The following PBRM1 variants were observed in gnomAD, a reference collection of about 807,000 sequenced individuals.
The protein encoded by PBRM1 is polybromo 1, also known as protein polybromo-1.
A neutral mutation model predicts 194.5 loss-of-function variants in PBRM1; 27 were observed. That is an observed-to-expected ratio of 0.14 (90% CI 0.10 to 0.19). PBRM1 has a LOEUF of 0.19. Ranked by LOEUF, PBRM1 falls within the 10% of genes least tolerant of loss-of-function variation. The pLI is 1.00. For missense variants in PBRM1, 1,466 were observed against 2,077.2 expected (o/e 0.71, Z 5.72); for synonymous variants, 655 against 693.2 (o/e 0.94, Z 0.87).
intron 21 of PBRM1, among the ~76,000 whole-genome samples, chr3:52,577,069 G>C (rs962127789): frequency 6.6e-6 from 1 of 152,104 alleles, no homozygotes; most frequent in African/African-American, 2.4e-5. Context: ...TCAATATTTG[G>C]GGTCAGATCA....
intron 7 of PBRM1, among the ~76,000 whole-genome samples, chr3:52,645,439 A>G (rs1259764349): frequency 6.6e-6 from 1 of 151,614 alleles, no homozygotes; most frequent in Non-Finnish European, 1.5e-5. Context: ...CTGGGATTAC[A>G]GGCCTAAACC....
At chr3:52,607,610 G>A (rs1163416104) in intron 16 of PBRM1, among the ~76,000 whole-genome samples, 1 of 152,220 alleles carries the variant, frequency 6.6e-6, no homozygotes, top group Non-Finnish European at 1.5e-5. Flanking sequence ...AGGAGAGGAA[G>A]GGAGGGGTAT....
intron 4 of PBRM1, among the ~76,000 whole-genome samples, chr3:52,661,181 T>C (rs2096717222): frequency 6.6e-6 from 1 of 152,122 alleles, no homozygotes; most frequent in Non-Finnish European, 1.5e-5. Context: ...ATGTGCCACC[T>C]GCCTAGCTAA....
chr3:52,666,326 T>C (rs1159097276), intron 3 of PBRM1, among the ~76,000 whole-genome samples: 1 of 152,072 alleles, frequency 6.6e-6, no homozygotes, highest in Admixed American at 6.5e-5. Context: ...GCAGATCACC[T>C]GAGGTCAGGA....
intron 23 of PBRM1, 125 bp downstream of exon 25, chr3:52,563,925 T>C (rs1232884628): frequency 1.6e-6 from 1 of 636,226 alleles, no homozygotes; most frequent in East Asian, 2.8e-5. Context: ...TGAATAAATA[T>C]TTTCTATTTG....
intron 5 of PBRM1, among the ~76,000 whole-genome samples, chr3:52,653,764 G>A (rs1001728949): frequency 6.6e-6 from 1 of 151,568 alleles, no homozygotes; most frequent in Non-Finnish European, 1.5e-5. Context: ...ACAAAAATTA[G>A]CTGGGTGTGG....
At chr3:52,617,778 T>G (rs2095041218) in intron 13 of PBRM1, among the ~76,000 whole-genome samples, 1 of 152,132 alleles carries the variant, frequency 6.6e-6, no homozygotes, top group Non-Finnish European at 1.5e-5. Context: ...CCAAAAAAAC[T>G]TTTTAGATAT....
At chr3:52,578,112 T>C (rs576909681) in intron 21 of PBRM1, among the ~76,000 whole-genome samples, 16 of 152,286 alleles carry the variant, frequency 1.1e-4, no homozygotes, top group Non-Finnish European at 1.8e-4. Context: ...TTATTCACTT[T>C]CTCAGTTTCT....
chr3:52,639,078 G>A (rs1023752221), intron 10 of PBRM1, among the ~76,000 whole-genome samples: 14 of 150,668 alleles, frequency 9.3e-5, no homozygotes, highest in African/African-American at 2.2e-4. Flanking sequence ...TCCGCCTCCC[G>A]GGTTCAAGCA....
chr3:52,675,863 CCCAGCA>C (rs1466996373), intron 2 of PBRM1, among the ~76,000 whole-genome samples: 4 of 45,820 alleles, frequency 8.7e-5, no homozygotes, highest in South Asian at 3.8e-4. Context: ...CGCCTGTAAT[CCCAGCA>C]CTTTGGGAGG....
intron 12 of PBRM1, among the ~76,000 whole-genome samples, chr3:52,627,780 C>T (rs2095491539): frequency 2.0e-5 from 3 of 152,314 alleles, no homozygotes; most frequent in South Asian, 2.1e-4. Context: ...AGTGAAAGAT[C>T]TACTTTTCAA....
intron 20 of PBRM1, 97 bp downstream of exon 22, chr3:52,586,328 T>C (rs1439691942): frequency 2.9e-6 from 3 of 1,030,142 alleles, no homozygotes; most frequent in East Asian, 2.4e-5. Flanking sequence ...TTTTGTGTTG[T>C]TGCTCTTTTT....
chr3:52,628,237 C>T (rs1420217779), intron 12 of PBRM1, among the ~76,000 whole-genome samples: 1 of 151,604 alleles, frequency 6.6e-6, no homozygotes, highest in African/African-American at 2.4e-5. Context: ...GGAATATCAT[C>T]GGTGATTGCA....
At chr3:52,589,036 C>G in intron 18 of PBRM1, 34 bp downstream of exon 20, 2 of 1,509,360 alleles carry the variant, frequency 1.3e-6, no homozygotes, top group Non-Finnish European at 9.2e-7. Context: ...AGTCATATCT[C>G]ACTAAACTGT....
chr3:52,612,719 C>T (rs887572619), intron 15 of PBRM1, among the ~76,000 whole-genome samples: 3 of 152,024 alleles, frequency 2.0e-5, no homozygotes, highest in Non-Finnish European at 4.4e-5. Context: ...GTCTGGCCAA[C>T]ATGGTGAAGC....
chr3:52,598,092 A>C (rs1427555120), intron 17 of PBRM1, among the ~76,000 whole-genome samples: 1 of 152,204 alleles, frequency 6.6e-6, no homozygotes, highest in Non-Finnish European at 1.5e-5. Flanking sequence ...CTGAATGGAA[A>C]ACAACTTCAT....
intron 2 of PBRM1, 91 bp from the exon 4 acceptor site, chr3:52,668,736 C>T (rs1237217710): frequency 8.8e-6 from 5 of 565,006 alleles, no homozygotes; most frequent in Non-Finnish European, 1.4e-5. Flanking sequence ...TTCAACATTC[C>T]AAGTGACAGA....
At chr3:52,642,118 A>G (rs1431225544) in intron 9 of PBRM1, 73 bp from the exon 11 acceptor site, 1 of 804,100 alleles carries the variant, frequency 1.2e-6, no homozygotes, top group African/African-American at 1.7e-5. Flanking sequence ...GGGAACAGGA[A>G]CTATTAACAA....
chr3:52,649,907 G>A (rs759909086), intron 6 of PBRM1, among the ~76,000 whole-genome samples: 12 of 152,098 alleles, frequency 7.9e-5, no homozygotes, highest in East Asian at 3.9e-4. Context: ...AAAATAAGGC[G>A]AGAAGTCAAA....
Sources: allele counts gnomAD v4.1 joint callset (sites outside exome capture counted in the v4.1 genomes callset), GRCh38; gene constraint gnomAD v4.1.1; transcripts MANE v1.5; gene names NCBI Gene and HGNC (gene_info 2026-07-23, HGNC 2026-07-21).